The following INTU variants were observed in gnomAD, a reference collection of about 807,000 sequenced individuals.
INTU encodes the protein inturned planar cell polarity protein, also known as protein inturned.
Under a neutral mutation model 100.5 loss-of-function variants are expected in INTU, and 68 were observed. The ratio of observed to expected loss-of-function variants is 0.68; its 90% CI spans 0.56 to 0.83. The LOEUF is 0.83. Ranked by LOEUF, INTU falls within the 40% of genes least tolerant of loss-of-function variation. The pLI is 0.00. For missense variants in INTU, 1,071 were observed against 1,114.7 expected (o/e 0.96, Z 0.56); for synonymous variants, 357 against 395.7 (o/e 0.90, Z 1.16).
rs965904088 is a variant in INTU, at chr4:127,709,691, T to C, written c.2369+1023T>C. 7.0e-5 allele frequency among the ~76,000 whole-genome samples: 10 copies of C among 143,426 alleles called. 1 individual carries two copies. The highest frequency in any genetic ancestry group is 6.5e-4 in the Admixed American group (9 of 13,830). The allele number at this position is 143,426 out of a possible 152,430, so 94.1% of individuals were successfully genotyped here. A position where few individuals can be genotyped will look rare whatever the true frequency, so the allele number is the denominator to read the frequency against. On this transcript the variant is annotated intron_variant, in intron 13 of 15. Coordinates refer to ENST00000335251, the MANE Select transcript of INTU (RefSeq NM_015693.4). ...AATTGCCTACTTTTATTTGAACAAC[T>C]AGACACGTACTAATAGAATTCACAC...
intron 2 of INTU, among the ~76,000 whole-genome samples, chr4:127,644,742 T>A (rs1032698140): frequency 6.6e-6 from 1 of 152,192 alleles, no homozygotes; most frequent in African/African-American, 2.4e-5. Flanking sequence ...ATGAGTAAAA[T>A]TTGAGGATAT....
In INTU at chr4:127,676,360, C is replaced by T. The variant is rs530244870; in HGVS notation, c.1181+2147C>T. ...TAGCACTTTGGGAGGCCAAGGCTGG[C>T]GGATTGCTTGAGCTCAGGAGTTCAA... On this transcript the variant is annotated intron_variant, in intron 6 of 15. Transcript: ENST00000335251. Among the ~76,000 whole-genome samples the T allele has an allele frequency of 7.9e-5, 12 of 152,114 alleles. No homozygotes were observed. In the East Asian group the frequency reaches 9.7e-4, roughly 12 times the overall value.
At chr4:127,699,735 A>C (rs1730562596) in intron 8 of INTU, among the ~76,000 whole-genome samples, 1 of 152,238 alleles carries the variant, frequency 6.6e-6, no homozygotes, top group South Asian at 2.1e-4. Context: ...ACCATTTTGC[A>C]GTTATTGAGA....
At chr4:127,713,812 A>G in intron 14 of INTU, 124 bp from the exon 15 acceptor site, 1 of 628,410 alleles carries the variant, frequency 1.6e-6, no homozygotes, top group Non-Finnish European at 2.6e-6. Flanking sequence ...TTTCCTGCAG[A>G]TAAGAAGAAT....
intron 2 of INTU, among the ~76,000 whole-genome samples, chr4:127,647,857 T>A (rs932929938): frequency 3.9e-5 from 6 of 152,212 alleles, no homozygotes; most frequent in African/African-American, 1.4e-4. Flanking sequence ...AAGTTGTATA[T>A]TCATTTTATA....
chr4:127,649,764 G>A (rs1476995315), intron 2 of INTU, among the ~76,000 whole-genome samples: 1 of 152,050 alleles, frequency 6.6e-6, no homozygotes, highest in Non-Finnish European at 1.5e-5. Context: ...TCAATTCTTT[G>A]TCTCTAGTGC....
intron 8 of INTU, among the ~76,000 whole-genome samples, chr4:127,691,630 G>T (rs1730131186): frequency 6.6e-6 from 1 of 151,860 alleles, no homozygotes; most frequent in Admixed American, 6.6e-5. Flanking sequence ...TGGGGAACAG[G>T]TGGTGTTTGG....
In INTU at chr4:127,675,636, C is replaced by G. The variant is rs538698947; in HGVS notation, c.1181+1423C>G. Reference sequence around the variant, plus strand: ...CAGTCCAGTGTTGGCCAGGGATAGACTTATCTGAAGGCTTTAACTGGAGCT... The same window carrying G: ...CAGTCCAGTGTTGGCCAGGGATAGAGTTATCTGAAGGCTTTAACTGGAGCT... On this transcript the variant is annotated intron_variant, in intron 6 of 15. Transcript: ENST00000335251. Among the ~76,000 whole-genome samples the G allele has an allele frequency of 2.0e-5, 3 of 152,254 alleles. No individual in the cohort carries two copies. The South Asian group carries it at 6.2e-4, about 32-fold the overall frequency.
chr4:127,702,193 A>T (rs921043378), intron 9 of INTU, among the ~76,000 whole-genome samples: 4 of 147,556 alleles, frequency 2.7e-5, no homozygotes, highest in African/African-American at 1.0e-4. Flanking sequence ...TAGATACAGT[A>T]AAAAAAAAAG....
intron 12 of INTU, among the ~76,000 whole-genome samples, chr4:127,707,405 AAAAAAAAAAAAAG>A (rs1316316688): frequency 6.6e-6 from 1 of 150,990 alleles, no homozygotes; most frequent in East Asian, 1.9e-4. Flanking sequence ...AAAAAAAAAA[AAAAAAAAAAAAAG>A]AAATATCAAA....
At chr4:127,639,166 T>A (rs1727200880) in intron 1 of INTU, among the ~76,000 whole-genome samples, 1 of 152,180 alleles carries the variant, frequency 6.6e-6, no homozygotes, top group East Asian at 1.9e-4. Flanking sequence ...TTATTTGGCT[T>A]TCACCACTCT....
At chr4:127,703,035 A>G (rs571295118) in intron 9 of INTU, among the ~76,000 whole-genome samples, 1 of 152,298 alleles carries the variant, frequency 6.6e-6, no homozygotes, top group African/African-American at 2.4e-5. Flanking sequence ...CCCTTTGAAT[A>G]AACCAGACAC....
chr4:127,642,813 AT>A (rs1727390050), intron 1 of INTU, among the ~76,000 whole-genome samples: 1 of 151,426 alleles, frequency 6.6e-6, no homozygotes, highest in African/African-American at 2.4e-5. Context: ...AGTTAAAAAT[AT>A]TTTTTATAAT....
Position 127,717,433 on chromosome 4 carries a change from G to C in INTU, c.*997G>C, listed in dbSNP as rs1340261518. The C allele has an allele frequency of 6.6e-6, 1 of 152,244 alleles. No individual in the cohort carries two copies. The highest frequency in any genetic ancestry group is 1.9e-4 in the East Asian group (1 of 5,192). 9.4% of individuals were successfully genotyped at this position (152,244 alleles called of 1,614,324 possible). ...TTCCATGTCTTTGCTATTGTAAATA[G>C]TGCTTCAATGAACATATGTGTGCAT... On this transcript the variant is annotated 3_prime_UTR_variant, in exon 16 of 16. Coordinates refer to ENST00000335251, the MANE Select transcript of INTU (RefSeq NM_015693.4).
chr4:127,671,225 C>CATTA (rs1468836145), intron 5 of INTU, among the ~76,000 whole-genome samples: 1 of 151,998 alleles, frequency 6.6e-6, no homozygotes, highest in Non-Finnish European at 1.5e-5. Context: ...CACCAACTGA[C>CATTA]TAATATCCAG....
rs906975794 is a variant in INTU, at chr4:127,656,670, T to C, written c.717T>C (p.Val239=). 14 of 1,610,992 alleles carry C rather than the reference T, an allele frequency of 8.7e-6. No individual in the cohort carries two copies. Among genetic ancestry groups the C allele is most frequent in the Non-Finnish European group, 1.2e-5 (14 of 1,177,706 alleles). The change falls in exon 3 of 16, where the codon GTT becomes GTC. Residue 239 remains valine (V), a synonymous_variant. Transcript: ENST00000335251. ...TTGTTGCTGTGAATGATGTCGATGT[T>C]ACTACTGAAAACATCGAGAGAGTTC... ...DVLVAVNDVD[V]TTENIERVLS...
rs923371857 is a variant in INTU at position 127,718,961 on chromosome 4, T to C, written c.*2525T>C. The C allele has an allele frequency of 1.3e-5, 2 of 152,204 alleles. No individual in the cohort carries two copies. Among genetic ancestry groups the C allele is most frequent in the African/African-American group, 4.8e-5 (2 of 41,454 alleles). The allele number at this position is 152,204 out of a possible 1,614,324, so 9.4% of individuals were successfully genotyped here. On this transcript the variant is annotated 3_prime_UTR_variant, in exon 16 of 16. Coordinates refer to ENST00000335251, the MANE Select transcript of INTU (RefSeq NM_015693.4). ...ACATTTTGACTTCCTCTCTTCTTCT[T>C]TGAATACCCTTTATTTCTTTCTCTT... is the stretch of plus-strand genomic sequence containing the variant.
intron 1 of INTU, among the ~76,000 whole-genome samples, chr4:127,634,039 A>G (rs1232711092): frequency 2.0e-5 from 3 of 152,202 alleles, no homozygotes; most frequent in Non-Finnish European, 4.4e-5. Flanking sequence ...TTTTATGTGT[A>G]TTTAGGAACA....
chr4:127,687,558 G>A, intron 7 of INTU, 120 bp from the exon 8 acceptor site: 1 of 718,588 alleles, frequency 1.4e-6, no homozygotes. Context: ...TCTATTGAAG[G>A]AAGAGAGGAG....
Sources: allele counts gnomAD v4.1 joint callset (sites outside exome capture counted in the v4.1 genomes callset), GRCh38; gene constraint gnomAD v4.1.1; transcripts MANE v1.5; gene names NCBI Gene and HGNC (gene_info 2026-07-23, HGNC 2026-07-21).